LGSN: variants seen among roughly 807,000 people sequenced by gnomAD.
LGSN encodes lengsin.
LGSN carries 21 observed loss-of-function variants against 19.5 expected under a neutral mutation model. The observed-to-expected ratio is 1.07, with a 90% CI of 0.76 to 1.55. The LOEUF (loss-of-function observed/expected upper bound fraction) is 1.55. Among genes scored for constraint, LGSN ranks in the 40% most tolerant of loss-of-function variants. LGSN has a pLI of 0.00. For missense variants in LGSN, 673 were observed against 608.5 expected (o/e 1.11, Z -1.12); for synonymous variants, 257 against 215.6 (o/e 1.19, Z -1.68).
the LGSN span, among the ~76,000 whole-genome samples, chr6:63,391,265 T>C: frequency 6.6e-6 from 1 of 152,208 alleles, no homozygotes; most frequent in Non-Finnish European, 1.5e-5. Flanking sequence ...CAAGTTATCT[T>C]AGTTGGTGTA....
In LGSN at chr6:63,280,795, G is replaced by A. The variant is rs776571541; in HGVS notation, c.756C>T (p.Ala252=). 6.2e-7 allele frequency: 1 copy of A among 1,614,100 alleles called. No homozygotes were observed. Among genetic ancestry groups the A allele is most frequent in the Admixed American group, 1.7e-5 (1 of 60,014 alleles). ...ELVDGLYHTG[A]NVESFSSSTR... ...TAGAGGAGGAAAAACTCTCGACATT[G>A]GCTCCAGTGTGATACAAGCCATCAA... Residue 252 remains alanine (A), a synonymous_variant, in exon 4 of 4, where the codon GCC becomes GCT. Transcript: ENST00000370657.
chr6:63,280,525 T>A lies in LGSN; in HGVS notation c.1026A>T (p.Lys342Asn). The A allele has an allele frequency of 6.2e-7, 1 of 1,614,116 alleles. No individual in the cohort carries two copies. Among genetic ancestry groups the A allele is most frequent in the Non-Finnish European group, 8.5e-7 (1 of 1,180,028 alleles). ...SGTEQLTITG[K>N]KWLAGLLKHS... ...GCTTCAAGAGTCCTGCCAACCATTT[T>A]TTCCCAGTGATCGTGAGCTGCTCAG... The change falls in exon 4 of 4, where the codon AAA (lysine) becomes AAT (asparagine). Residue 342 changes from lysine (K) to asparagine (N), a missense_variant. Physicochemically the swap from Lys to Asn is moderately conservative, Grantham distance 94. Transcript: ENST00000370657.
the LGSN span, among the ~76,000 whole-genome samples, chr6:63,387,100 C>CA: frequency 2.7e-4 from 41 of 149,504 alleles, no homozygotes; most frequent in Admixed American, 1.0e-3. Context: ...GACTCCGTCT[C>CA]AAAAAAAAAT....
chr6:63,467,350 C>A, the LGSN span, among the ~76,000 whole-genome samples: 1 of 148,632 alleles, frequency 6.7e-6, no homozygotes, highest in African/African-American at 2.6e-5. Flanking sequence ...CTATAAACTT[C>A]ACGTTTGCCT....
At chr6:63,420,565 G>T in the LGSN span, among the ~76,000 whole-genome samples, 227 of 152,302 alleles carry the variant, frequency 1.5e-3, no homozygotes, top group African/African-American at 5.3e-3. Context: ...AGTTTGGGAG[G>T]TATCATTAGA....
chr6:63,465,515 A>G, the LGSN span, among the ~76,000 whole-genome samples: 1 of 152,122 alleles, frequency 6.6e-6, no homozygotes, highest in Admixed American at 6.6e-5. Context: ...CTTCAGTGAC[A>G]TCATTTTAGT....
chr6:63,365,891 C>T, the LGSN span, among the ~76,000 whole-genome samples: 2 of 152,186 alleles, frequency 1.3e-5, no homozygotes, highest in Non-Finnish European at 2.9e-5. Context: ...TTCAACAGAG[C>T]TTCATGCTAA....
chr6:63,493,339 A>T, the LGSN span, among the ~76,000 whole-genome samples: 1 of 152,226 alleles, frequency 6.6e-6, no homozygotes, highest in Non-Finnish European at 1.5e-5. Flanking sequence ...AAATTTAATG[A>T]AATGTAATCA....
the LGSN span, among the ~76,000 whole-genome samples, chr6:63,501,621 G>T: frequency 1.3e-5 from 2 of 151,856 alleles, no homozygotes; most frequent in Non-Finnish European, 2.9e-5. Flanking sequence ...TTAAGTAATT[G>T]TTGGATTTTT....
Position 63,276,429 on chromosome 6 carries a change from C to T in LGSN, c.*3592G>A, listed in dbSNP as rs181323837. The T allele has an allele frequency of 6.6e-5, 10 of 152,258 alleles. No homozygotes were observed. Among genetic ancestry groups the T allele is most frequent in the Admixed American group, 1.3e-4 (2 of 15,294 alleles). 9.4% of individuals were successfully genotyped at this position (152,258 alleles called of 1,614,324 possible). ...TTAATTTCTAGTCTTAAAATATTAT[C>T]GCTTTTAATTTACATTTCTTATGTA... On this transcript the variant is annotated 3_prime_UTR_variant, in exon 4 of 4. Coordinates refer to ENST00000370657, the MANE Select transcript of LGSN (RefSeq NM_016571.3).
chr6:63,378,538 G>T, the LGSN span, among the ~76,000 whole-genome samples: 4 of 152,124 alleles, frequency 2.6e-5, no homozygotes, highest in Non-Finnish European at 4.4e-5. Context: ...GGTTTATTTG[G>T]CTCATAGTTC....
chr6:63,359,330 G>A, the LGSN span, among the ~76,000 whole-genome samples: 1 of 152,186 alleles, frequency 6.6e-6, no homozygotes, highest in Non-Finnish European at 1.5e-5. Flanking sequence ...TTTGGTATCA[G>A]GAAGATGCTG....
At chr6:63,495,373 C>T in the LGSN span, among the ~76,000 whole-genome samples, 1 of 151,944 alleles carries the variant, frequency 6.6e-6, no homozygotes, top group African/African-American at 2.4e-5. Context: ...CCTTCTGCCC[C>T]CGGAGCCTAT....
chr6:63,445,592 TG>T, the LGSN span, among the ~76,000 whole-genome samples: 1 of 152,114 alleles, frequency 6.6e-6, no homozygotes, highest in Non-Finnish European at 1.5e-5. Context: ...CACTCCAGCC[TG>T]GGTGACAGAA....
chr6:63,491,608 A>T, the LGSN span, among the ~76,000 whole-genome samples: 1,931 of 152,038 alleles, frequency 0.013, 34 homozygotes, highest in African/African-American at 0.043. Flanking sequence ...TTTAACATAT[A>T]ATAAATAATC....
the LGSN span, among the ~76,000 whole-genome samples, chr6:63,417,138 A>G: frequency 6.6e-6 from 1 of 152,148 alleles, no homozygotes; most frequent in Non-Finnish European, 1.5e-5. Context: ...GAGAGACTAC[A>G]GGCTGGAGGA....
At chr6:63,426,566 G>A in the LGSN span, among the ~76,000 whole-genome samples, 1 of 152,034 alleles carries the variant, frequency 6.6e-6, no homozygotes, top group African/African-American at 2.4e-5. Context: ...CCAGGCTAGA[G>A]TGCAATGGCA....
At chr6:63,387,336 A>G in the LGSN span, among the ~76,000 whole-genome samples, 1 of 152,132 alleles carries the variant, frequency 6.6e-6, no homozygotes. Flanking sequence ...ATAACGATGC[A>G]TTTTTTCTTG....
At chr6:63,347,500 G>A in the LGSN span, among the ~76,000 whole-genome samples, 1 of 152,164 alleles carries the variant, frequency 6.6e-6, no homozygotes, top group Admixed American at 6.6e-5. Context: ...CAAGGTCTAT[G>A]ACTTTCCTGC....
Sources: gnomAD v4.1 joint callset for allele counts (sites outside exome capture counted in the v4.1 genomes callset) on GRCh38, gnomAD v4.1.1 for gene constraint, MANE v1.5 for transcripts, NCBI Gene and HGNC (gene_info 2026-07-23, HGNC 2026-07-21) for gene names.